The following STARD13 variants were observed in gnomAD, a reference collection of about 807,000 sequenced individuals.
STARD13 encodes stAR-related lipid transfer protein 13.
Under a neutral mutation model 106.4 loss-of-function variants are expected in STARD13, and 62 were observed. That is an observed-to-expected ratio of 0.58 (90% CI 0.48 to 0.72). The LOEUF is 0.72. Among genes scored for constraint, STARD13 ranks in the 30% least tolerant of loss-of-function variants. The pLI is 0.00. For missense variants in STARD13, 1,387 were observed against 1,424.0 expected (o/e 0.97, Z 0.42); for synonymous variants, 565 against 553.0 (o/e 1.02, Z -0.31).
rs1034265908 is a variant in STARD13, at chr13:33,146,064, C to T, written c.324-3691G>A. Reference sequence around the variant, plus strand: ...ATTAAGCCGGGTGTGGTGGCTTATGCCTGTAATCCCAGCACTTTGGGAGGT... The same window carrying T: ...ATTAAGCCGGGTGTGGTGGCTTATGTCTGTAATCCCAGCACTTTGGGAGGT... On this transcript the variant is annotated intron_variant, in intron 3 of 13. Transcript: ENST00000336934. Among the ~76,000 whole-genome samples the T allele has an allele frequency of 1.3e-5, 2 of 152,122 alleles. 1 individual carries two copies. The highest frequency in any genetic ancestry group is 2.9e-5 in the Non-Finnish European group (2 of 68,020).
chr13:33,360,962 A>ATTTT, the STARD13 span, among the ~76,000 whole-genome samples: 1 of 115,956 alleles, frequency 8.6e-6, no homozygotes. Context: ...CGCCCGGCTA[A>ATTTT]TTTTTTTTTT....
the STARD13 span, among the ~76,000 whole-genome samples, chr13:33,481,301 T>C: frequency 2.0e-5 from 3 of 152,270 alleles, no homozygotes; most frequent in African/African-American, 7.2e-5. Flanking sequence ...TTGCAATTCT[T>C]GAGAAAATAA....
chr13:33,234,270 C>G (rs1889077170), intron 1 of STARD13, among the ~76,000 whole-genome samples: 1 of 152,146 alleles, frequency 6.6e-6, no homozygotes, highest in African/African-American at 2.4e-5. Flanking sequence ...GAGTTTTCTG[C>G]CCCTTTGTCC....
the STARD13 span, among the ~76,000 whole-genome samples, chr13:33,575,109 G>C: frequency 6.6e-6 from 1 of 151,582 alleles, no homozygotes; most frequent in Non-Finnish European, 1.5e-5. Flanking sequence ...TAGAGATGGG[G>C]GTTTCACCAT....
chr13:33,308,058 C>T (rs887837702), intron 1 of STARD13, among the ~76,000 whole-genome samples: 1 of 152,170 alleles, frequency 6.6e-6, no homozygotes. Flanking sequence ...TTTGGAGAGA[C>T]AGGAGTCCTG....
At chr13:33,364,290 G>T in the STARD13 span, among the ~76,000 whole-genome samples, 1 of 152,024 alleles carries the variant, frequency 6.6e-6, no homozygotes, top group East Asian at 1.9e-4. Context: ...ACATCATGAG[G>T]CTCCTTCTCA....
At chr13:33,140,873 C>A (rs1879733773) in intron 4 of STARD13, among the ~76,000 whole-genome samples, 1 of 151,890 alleles carries the variant, frequency 6.6e-6, no homozygotes, top group African/African-American at 2.4e-5. Flanking sequence ...ATTCTCCTGC[C>A]TCAGCCTCCC....
the STARD13 span, among the ~76,000 whole-genome samples, chr13:33,541,897 GA>G: frequency 6.6e-6 from 1 of 152,164 alleles, no homozygotes; most frequent in Non-Finnish European, 1.5e-5. Context: ...TGCACTTTCA[GA>G]AACTACTATG....
At chr13:33,263,041 C>A (rs551369494) in intron 1 of STARD13, among the ~76,000 whole-genome samples, 2 of 152,168 alleles carry the variant, frequency 1.3e-5, no homozygotes, top group Non-Finnish European at 2.9e-5. Context: ...ACTTACTAGT[C>A]GTAGAATCTT....
chr13:33,152,855 G>C (rs1380617680), intron 3 of STARD13, among the ~76,000 whole-genome samples: 1 of 152,124 alleles, frequency 6.6e-6, no homozygotes, highest in Admixed American at 6.6e-5. Flanking sequence ...GTATTACATG[G>C]GGAGCCGAAG....
chr13:33,150,306 A>G (rs540178294), intron 3 of STARD13, among the ~76,000 whole-genome samples: 13 of 152,240 alleles, frequency 8.5e-5, no homozygotes, highest in Non-Finnish European at 1.9e-4. Flanking sequence ...CTTCATGCCT[A>G]GTACAGGCCC....
chr13:33,310,961 T>C (rs1444878862), intron 1 of STARD13, among the ~76,000 whole-genome samples: 2 of 152,028 alleles, frequency 1.3e-5, no homozygotes, highest in Non-Finnish European at 2.9e-5. Flanking sequence ...TATTTGTGTA[T>C]CTAAGTCCAT....
intron 1 of STARD13, among the ~76,000 whole-genome samples, chr13:33,297,143 G>A (rs971598562): frequency 6.6e-6 from 1 of 152,224 alleles, no homozygotes; most frequent in Admixed American, 6.5e-5. Flanking sequence ...ACAGCGTGAT[G>A]CTTATCACAG....
At chr13:33,547,694 G>A in the STARD13 span, among the ~76,000 whole-genome samples, 1 of 152,132 alleles carries the variant, frequency 6.6e-6, no homozygotes, top group African/African-American at 2.4e-5. Context: ...ATAAAACAAT[G>A]CATTTAGAAG....
Position 33,128,471 on chromosome 13 carries a change from A to G in STARD13, c.1748+458T>C, listed in dbSNP as rs146581401. Reference sequence around the variant, plus strand: ...GATGTACTTTGTAATTGGCACTTTAAAGCAAAAACAAACTTGCAGAGTACA... The same window carrying G: ...GATGTACTTTGTAATTGGCACTTTAGAGCAAAAACAAACTTGCAGAGTACA... On this transcript the variant is annotated intron_variant, in intron 5 of 13. Coordinates refer to ENST00000336934, the MANE Select transcript of STARD13 (RefSeq NM_178006.4). Among the ~76,000 whole-genome samples, 3 of 152,172 alleles carry G rather than the reference A, an allele frequency of 2.0e-5. No individual in the cohort carries two copies. The East Asian group carries it at 5.8e-4, about 29-fold the overall frequency.
chr13:33,270,709 A>G (rs1891117484), intron 1 of STARD13, among the ~76,000 whole-genome samples: 1 of 152,182 alleles, frequency 6.6e-6, no homozygotes, highest in East Asian at 1.9e-4. Context: ...TAAGTGTTCT[A>G]CTTAAGGCTC....
rs1026082456 is a variant in STARD13, at chr13:33,311,467, G to A, written c.124+38823C>T. On this transcript the variant is annotated intron_variant, in intron 1 of 5. Transcript: ENST00000567873. ...AAGAACTGGGTTCAAATCCCAACTC[G>A]CCAACTTCATCAGCTGTGCTCTTGG... Among the ~76,000 whole-genome samples, 7 of 152,196 alleles carry A rather than the reference G, an allele frequency of 4.6e-5. No individual in the cohort carries two copies. In the South Asian group the frequency reaches 6.2e-4, roughly 14 times the overall value.
chr13:33,544,093 T>C, the STARD13 span, among the ~76,000 whole-genome samples: 1 of 152,246 alleles, frequency 6.6e-6, no homozygotes, highest in African/African-American at 2.4e-5. Flanking sequence ...TCAGTTATTA[T>C]ACAGTAATTG....
chr13:33,407,465 G>T, the STARD13 span, among the ~76,000 whole-genome samples: 1 of 152,066 alleles, frequency 6.6e-6, no homozygotes, highest in Non-Finnish European at 1.5e-5. Flanking sequence ...TTGCATTTTG[G>T]GTTTTGGCTT....
Sources: allele counts gnomAD v4.1 joint callset (sites outside exome capture counted in the v4.1 genomes callset), GRCh38; gene constraint gnomAD v4.1.1; transcripts MANE v1.5; gene names NCBI Gene and HGNC (gene_info 2026-07-23, HGNC 2026-07-21).